EEA1: variants seen among roughly 807,000 people sequenced by gnomAD.
EEA1 encodes early endosome antigen 1, 162kD.
EEA1 carries 111 observed loss-of-function variants against 209.2 expected under a neutral mutation model. The ratio of observed to expected loss-of-function variants is 0.53; its 90% CI spans 0.45 to 0.62. EEA1 has a LOEUF of 0.62. Ranked by LOEUF, EEA1 falls within the 20% of genes least tolerant of loss-of-function variation. EEA1 has a pLI of 0.00. For missense variants in EEA1, 1,343 were observed against 1,530.8 expected, an observed-to-expected ratio of 0.88 and a Z score of 2.05; for synonymous variants, 536 against 540.6, an observed-to-expected ratio of 0.99 and a Z score of 0.12.
At chr12:92,858,980 C>T in intron 3 of EEA1, 1 of 686,416 alleles carries the variant, frequency 1.5e-6, no homozygotes, top group South Asian at 1.7e-5. Flanking sequence ...GCCTATGCTG[C>T]TCATTCAGTG....
chr12:92,853,730 T>C (rs1565836236), intron 6 of EEA1, among the ~76,000 whole-genome samples, 185 bp downstream of exon 6: 1 of 152,220 alleles, frequency 6.6e-6, no homozygotes. Flanking sequence ...TTTAGTTAAC[T>C]GATTAAATTA....
intron 1 of EEA1, among the ~76,000 whole-genome samples, chr12:92,903,028 G>A (rs143504042): frequency 0.062 from 9,208 of 149,414 alleles, 303 homozygotes; most frequent in Middle Eastern, 0.11. Flanking sequence ...TCCGCCTCCC[G>A]GGTTCACACC....
chr12:92,785,802 A>G (rs1407390967), intron 22 of EEA1, among the ~76,000 whole-genome samples: 10 of 152,188 alleles, frequency 6.6e-5, no homozygotes, highest in Admixed American at 6.5e-4. Flanking sequence ...GATCTATCCA[A>G]GGTCCCTTAA....
intron 1 of EEA1, among the ~76,000 whole-genome samples, chr12:92,904,523 C>T (rs1880287803): frequency 1.3e-5 from 2 of 152,158 alleles, no homozygotes; most frequent in Admixed American, 6.5e-5. Flanking sequence ...TAGCACAGAC[C>T]TCACAGACTA....
At chr12:92,779,474 G>A (rs188717201) in intron 24 of EEA1, among the ~76,000 whole-genome samples, 174 bp from the exon 25 acceptor site, 202 of 152,118 alleles carry the variant, frequency 1.3e-3, no homozygotes, top group African/African-American at 4.7e-3. Flanking sequence ...ATTATAGTAT[G>A]TCTTGCTCAA....
intron 1 of EEA1, among the ~76,000 whole-genome samples, chr12:92,922,556 TCATCCTCTCTACAGGGC>T (rs1448759865): frequency 1.3e-5 from 2 of 152,158 alleles, no homozygotes; most frequent in African/African-American, 4.8e-5. Flanking sequence ...CCTAATGAAG[TCATCCTCTCTACAGGGC>T]CAACAAGTAG....
At chr12:92,861,183 C>T (rs1218653208) in intron 3 of EEA1, among the ~76,000 whole-genome samples, 2 of 152,162 alleles carry the variant, frequency 1.3e-5, no homozygotes, top group African/African-American at 2.4e-5. Flanking sequence ...TGGCCGGGCA[C>T]GGTGGCTCAC....
intron 11 of EEA1, among the ~76,000 whole-genome samples, chr12:92,830,820 C>T (rs1175937513): frequency 6.6e-6 from 1 of 152,084 alleles, no homozygotes; most frequent in Non-Finnish European, 1.5e-5. Context: ...ATGGTTGGAA[C>T]ATGGTAAGAT....
intron 2 of EEA1, among the ~76,000 whole-genome samples, chr12:92,868,651 A>G (rs924455859): frequency 1.3e-5 from 2 of 152,256 alleles, no homozygotes; most frequent in African/African-American, 4.8e-5. Flanking sequence ...AATCAGTAAC[A>G]TACATTTCAT....
At chr12:92,801,451 A>G in intron 20 of EEA1, 149 bp downstream of exon 20, 1 of 455,662 alleles carries the variant, frequency 2.2e-6, no homozygotes, top group Non-Finnish European at 3.8e-6. Flanking sequence ...CCTAAATATC[A>G]GTATGAAAAT....
At chr12:92,788,148 A>C in intron 21 of EEA1, 99 bp from the exon 22 acceptor site, 1 of 1,036,984 alleles carries the variant, frequency 9.6e-7, no homozygotes, top group South Asian at 2.5e-5. Flanking sequence ...TCCAAACAAT[A>C]AGATGAACTG....
At chr12:92,923,735 T>C (rs942289033) in intron 1 of EEA1, among the ~76,000 whole-genome samples, 1 of 148,004 alleles carries the variant, frequency 6.8e-6, no homozygotes, top group African/African-American at 2.5e-5. Context: ...ACTCAGCAGG[T>C]TTTTTTTTTA....
intron 6 of EEA1, 145 bp from the exon 7 acceptor site, chr12:92,853,170 A>C (rs1400436814): frequency 1.5e-5 from 8 of 517,158 alleles, no homozygotes; most frequent in Non-Finnish European, 2.3e-5. Flanking sequence ...TCAAGAAATT[A>C]AGTATATCTG....
Position 92,802,498 on chromosome 12 carries a change from T to C in EEA1, c.2576A>G (p.Lys859Arg). ...ATCAGAAACTTTTGATAGTTTGTCC[T>C]TTACTGTAGAAAGCTCTGTCATTAA... Reference protein sequence around the residue: ...EALMTELSTVKDKLSKVSDSL... With the variant: ...EALMTELSTVRDKLSKVSDSL... The change falls in exon 19 of 29, where the codon AAG becomes AGG. Residue 859 changes from lysine to arginine, a missense_variant. By Grantham distance (26) the Lys-to-Arg change is conservative (BLOSUM62 2). Transcript: ENST00000322349. 1 of 1,589,980 alleles carries C rather than the reference T, an allele frequency of 6.3e-7. No homozygotes were observed. The highest frequency in any genetic ancestry group is 8.5e-7 in the Non-Finnish European group (1 of 1,173,440).
At chr12:92,859,293 C>T in intron 3 of EEA1, 4 of 1,533,712 alleles carry the variant, frequency 2.6e-6, no homozygotes, top group Admixed American at 1.8e-5. Flanking sequence ...CATCTTTTTT[C>T]CCCATACTTG....
In EEA1 at chr12:92,857,412, T is replaced by A; in HGVS notation, c.300+19A>T. 2.5e-6 allele frequency: 4 copies of A among 1,588,826 alleles called. No individual in the cohort carries two copies. The highest frequency in any genetic ancestry group is 4.5e-5 in the East Asian group (2 of 44,492). On this transcript the variant is annotated intron_variant, in intron 4 of 28. Transcript: ENST00000322349. The stretch of plus-strand genomic sequence containing the variant: ...CTGAAACACTGAAAATAAAAAGGTA[T>A]AACAATTTTTATTCTTACCTTAAGT...
At position 92,879,386 on chromosome 12, in the gene EEA1, CA is replaced by C. The variant is rs1203598355; in HGVS notation, c.117+12242del. The C allele has an allele frequency of 1.6e-5, 7 of 446,148 alleles. No individual in the cohort carries two copies. In the East Asian group the frequency reaches 4.3e-4, roughly 28 times the overall value. 27.6% of individuals were successfully genotyped at this position (446,148 alleles called of 1,614,324 possible). A position where few individuals can be genotyped will look rare whatever the true frequency, so the allele number is the denominator to read the frequency against. On this transcript the variant is annotated intron_variant, in intron 2 of 28. Transcript: ENST00000322349. ...CACCTGTATTAAAATAGTAACAACACAGCAAGACCAAGTGGAGCTTATCCTA... is the reference window on the plus strand; with the variant it reads ...CACCTGTATTAAAATAGTAACAACACGCAAGACCAAGTGGAGCTTATCCTA...
intron 1 of EEA1, among the ~76,000 whole-genome samples, chr12:92,904,675 T>C (rs201480587): frequency 8.7e-4 from 132 of 152,304 alleles, no homozygotes; most frequent in East Asian, 6.0e-3. Context: ...TAATTTGCTA[T>C]AGCAGCTCAA....
chr12:92,856,848 C>T (rs1592739788), intron 5 of EEA1, among the ~76,000 whole-genome samples: 2 of 148,588 alleles, frequency 1.3e-5, no homozygotes, highest in Non-Finnish European at 3.0e-5. Flanking sequence ...CACAGCTCAC[C>T]ACAGCCCTGA....
Sources: allele counts gnomAD v4.1 joint callset (sites outside exome capture counted in the v4.1 genomes callset), GRCh38; gene constraint gnomAD v4.1.1; transcripts MANE v1.5; gene names NCBI Gene and HGNC (gene_info 2026-07-23, HGNC 2026-07-21).